The following ANK1 variants were observed in gnomAD, a reference collection of about 807,000 sequenced individuals.
ANK1 encodes the protein ankyrin-1.
Under a neutral mutation model 210.4 loss-of-function variants are expected in ANK1, and 51 were observed. That is an observed-to-expected ratio of 0.24 (90% CI 0.19 to 0.31). The LOEUF (loss-of-function observed/expected upper bound fraction) is 0.31. Among genes scored for constraint, ANK1 ranks in the 10% least tolerant of loss-of-function variants. The probability of loss-of-function intolerance (pLI) is 1.00; values close to 1 mark genes in which losing one functional copy is unlikely to be tolerated. For synonymous variants in ANK1, 967 were observed against 1,025.9 expected (o/e 0.94, Z 1.10); for missense variants, 2,051 against 2,504.4 (o/e 0.82, Z 3.86).
chr8:41,811,999 T>C lies in ANK1; in HGVS notation c.127-53862A>G, dbSNP rs80177241. On this transcript the variant is annotated intron_variant, in intron 1 of 42. Coordinates refer to the ANK1 transcript ENST00000265709. ...GAGAGTTAAATGAAGCTGCTTGCTATGTCTGCAGGCAACTGTAAACTGGAA... is the reference window on the plus strand; with the variant it reads ...GAGAGTTAAATGAAGCTGCTTGCTACGTCTGCAGGCAACTGTAAACTGGAA... 5.0e-3 allele frequency among the ~76,000 whole-genome samples: 755 copies of C among 152,322 alleles called. 6 individuals carry two copies. The highest frequency in any genetic ancestry group is 0.029 in the East Asian group (151 of 5,178).
chr8:41,872,649 G>A (rs1419624437), intron 1 of ANK1, among the ~76,000 whole-genome samples: 6 of 152,180 alleles, frequency 3.9e-5, no homozygotes, highest in Admixed American at 2.6e-4. Context: ...TGCCCCAATC[G>A]GTGAGTAGGG....
chr8:41,883,115 T>C (rs1817874969), intron 1 of ANK1, among the ~76,000 whole-genome samples: 1 of 152,190 alleles, frequency 6.6e-6, no homozygotes, highest in South Asian at 2.1e-4. Context: ...AAGGGCCAGC[T>C]CTGTTAACAA....
chr8:41,711,013 TTTGA>T (rs1825975349), intron 16 of ANK1, among the ~76,000 whole-genome samples: 2 of 152,252 alleles, frequency 1.3e-5, no homozygotes, highest in South Asian at 4.1e-4. Flanking sequence ...TCCTTTTTAA[TTTGA>T]TTATGTTATG....
chr8:41,749,300 T>C (rs2150698535), intron 2 of ANK1, among the ~76,000 whole-genome samples: 2 of 147,050 alleles, frequency 1.4e-5, no homozygotes, highest in Admixed American at 6.7e-5. Context: ...TTGGACTTTT[T>C]TTTTTTTTTT....
At chr8:41,795,548 A>G (rs146226351) in intron 1 of ANK1, among the ~76,000 whole-genome samples, 1,740 of 152,036 alleles carry the variant, frequency 0.011, 17 homozygotes, top group Non-Finnish European at 0.018. Flanking sequence ...TAAATATAAA[A>G]ACTAATTACA....
chr8:41,673,822 G>A (rs1813275843), intron 37 of ANK1, among the ~76,000 whole-genome samples: 1 of 152,168 alleles, frequency 6.6e-6, no homozygotes, highest in Non-Finnish European at 1.5e-5. Context: ...GAGACTAGAA[G>A]ACAAGATTCT....
rs114660262 is a variant in ANK1 at position 41,870,375 on chromosome 8, G to A, written c.126+25980C>T. 8.3e-3 allele frequency among the ~76,000 whole-genome samples: 1,256 copies of A among 152,176 alleles called. 19 individuals are homozygous for A. Among genetic ancestry groups the A allele is most frequent in the African/African-American group, 0.029 (1,200 of 41,500 alleles). Reference sequence around the variant, plus strand: ...GAGTCACCTTCTCCATCATTCACTCGTGTTCATTCATTCAGACGACATGCT... The same window carrying A: ...GAGTCACCTTCTCCATCATTCACTCATGTTCATTCATTCAGACGACATGCT... On this transcript the variant is annotated intron_variant, in intron 1 of 42. Coordinates refer to the ANK1 transcript ENST00000265709.
chr8:41,858,457 T>C (rs1397738947), intron 1 of ANK1, among the ~76,000 whole-genome samples: 1 of 152,060 alleles, frequency 6.6e-6, no homozygotes, highest in African/African-American at 2.4e-5. Context: ...TGGGAAACAC[T>C]GGGGGAGGCC....
intron 1 of ANK1, among the ~76,000 whole-genome samples, chr8:41,838,982 C>G (rs1028817099): frequency 6.6e-6 from 1 of 151,940 alleles, no homozygotes; most frequent in Non-Finnish European, 1.5e-5. Context: ...GAGGCTGAGG[C>G]AGGAGAATCA....
At chr8:41,844,409 G>A (rs549209385) in intron 1 of ANK1, among the ~76,000 whole-genome samples, 2 of 152,254 alleles carry the variant, frequency 1.3e-5, no homozygotes, top group African/African-American at 4.8e-5. Flanking sequence ...GGACAAACAA[G>A]TAGAGAGGAC....
chr8:41,686,025 A>G, intron 36 of ANK1, 127 bp downstream of exon 36: 1 of 1,440,412 alleles, frequency 6.9e-7, no homozygotes, highest in Non-Finnish European at 9.8e-7. Context: ...GTGGTGCGTG[A>G]GTGTGTGTGA....
intron 2 of ANK1, among the ~76,000 whole-genome samples, chr8:41,736,026 G>A (rs1586580489): frequency 6.6e-6 from 1 of 152,140 alleles, no homozygotes; most frequent in Non-Finnish European, 1.5e-5. Flanking sequence ...TGGCCATTAG[G>A]TTTCCTCCTC....
chr8:41,794,318 T>C (rs1848323187), intron 1 of ANK1, among the ~76,000 whole-genome samples: 1 of 152,194 alleles, frequency 6.6e-6, no homozygotes, highest in South Asian at 2.1e-4. Flanking sequence ...GGCCTCCCGG[T>C]TATTCCCATG....
intron 2 of ANK1, among the ~76,000 whole-genome samples, chr8:41,746,289 C>G (rs1322160748): frequency 6.6e-6 from 1 of 152,190 alleles, no homozygotes; most frequent in Admixed American, 6.5e-5. Context: ...AGAAGCCAGG[C>G]AGAGCTGAAG....
intron 18 of ANK1, among the ~76,000 whole-genome samples, chr8:41,705,272 G>A (rs1786688823): frequency 6.6e-6 from 1 of 152,214 alleles, no homozygotes; most frequent in South Asian, 2.1e-4. Context: ...TAATGGGATG[G>A]CTTTTGGATC....
intron 5 of ANK1, among the ~76,000 whole-genome samples, chr8:41,726,801 G>C (rs1056339624): frequency 6.6e-6 from 1 of 152,178 alleles, no homozygotes; most frequent in Non-Finnish European, 1.5e-5. Context: ...CCAAAGTTAA[G>C]AGTCAAGAGA....
chr8:41,870,867 G>A (rs1815346006), intron 1 of ANK1, among the ~76,000 whole-genome samples: 1 of 152,180 alleles, frequency 6.6e-6, no homozygotes, highest in Non-Finnish European at 1.5e-5. Flanking sequence ...ATGGGTCGGA[G>A]CCTCTGCTTG....
intron 1 of ANK1, among the ~76,000 whole-genome samples, chr8:41,779,627 A>C (rs962798168): frequency 7.2e-6 from 1 of 139,410 alleles, no homozygotes; most frequent in African/African-American, 2.5e-5. Context: ...AAAAGACAGG[A>C]ATCAATAGCA....
rs192815620 is a variant in ANK1 at position 41,825,136 on chromosome 8, C to T, written c.127-66999G>A. On this transcript the variant is annotated intron_variant, in intron 1 of 42. Transcript: ENST00000265709. ...TCCAGGTGGAAACAGGAACTTCGGC[C>T]GCATTCTGCTCAGGACCCAGAGTCA... is the stretch of plus-strand genomic sequence containing the variant. 1.3e-3 allele frequency among the ~76,000 whole-genome samples: 197 copies of T among 152,318 alleles called. 2 individuals carry two copies. Among genetic ancestry groups the T allele is most frequent in the African/African-American group, 1.8e-3 (75 of 41,584 alleles).
Sources: allele counts gnomAD v4.1 joint callset (sites outside exome capture counted in the v4.1 genomes callset), GRCh38; gene constraint gnomAD v4.1.1; transcripts MANE v1.5; gene names NCBI Gene and HGNC (gene_info 2026-07-23, HGNC 2026-07-21).